The following GKAP1 variants were observed in gnomAD, a reference collection of about 807,000 sequenced individuals.
The protein encoded by GKAP1 is G kinase-anchoring protein 1.
A neutral mutation model predicts 56.7 loss-of-function variants in GKAP1; 31 were observed. The ratio of observed to expected loss-of-function variants is 0.55; its 90% CI spans 0.41 to 0.74. GKAP1 has a LOEUF of 0.74. Among genes scored for constraint, GKAP1 ranks in the 30% least tolerant of loss-of-function variants. The pLI is 0.00. For synonymous variants in GKAP1, 151 were observed against 138.6 expected (o/e 1.09, Z -0.63); for missense variants, 364 against 402.3 (o/e 0.90, Z 0.82).
chr9:83,747,809 G>A (rs539447941), intron 10 of GKAP1, among the ~76,000 whole-genome samples: 9 of 152,028 alleles, frequency 5.9e-5, no homozygotes, highest in Non-Finnish European at 7.4e-5. Context: ...GCTACTTTTC[G>A]TATTTTTAGT....
chr9:83,803,607 C>T (rs1944371478), intron 3 of GKAP1, among the ~76,000 whole-genome samples: 1 of 152,212 alleles, frequency 6.6e-6, no homozygotes, highest in South Asian at 2.1e-4. Context: ...TCGCTACAAC[C>T]TCCATCTCCC....
At position 83,745,301 on chromosome 9, in the gene GKAP1, G is replaced by A. The variant is rs149382077; in HGVS notation, c.905-2701C>T. On this transcript the variant is annotated intron_variant, in intron 10 of 12. Coordinates refer to ENST00000376371, the MANE Select transcript of GKAP1 (RefSeq NM_025211.4). ...CACCTGTCTCAACCTCCCAAAGCTG[G>A]GATTACAGGTGTGAGCCACTGTGCC... 6.8e-3 allele frequency among the ~76,000 whole-genome samples: 1,039 copies of A among 152,244 alleles called. 16 individuals carry two copies. Among genetic ancestry groups the A allele is most frequent in the African/African-American group, 0.024 (995 of 41,542 alleles).
intron 9 of GKAP1, among the ~76,000 whole-genome samples, chr9:83,753,041 C>G (rs1394250345): frequency 6.6e-6 from 1 of 150,882 alleles, no homozygotes. Flanking sequence ...GCCTGGGCAA[C>G]AGAATGAGAC....
chr9:83,758,531 G>A (rs1252566970), intron 8 of GKAP1, among the ~76,000 whole-genome samples: 3 of 151,936 alleles, frequency 2.0e-5, no homozygotes, highest in South Asian at 2.1e-4. Context: ...TCAGGAGTTC[G>A]AGACCAGCCT....
chr9:83,740,817 A>G (rs1343514447), intron 12 of GKAP1, among the ~76,000 whole-genome samples: 1 of 152,164 alleles, frequency 6.6e-6, no homozygotes. Context: ...TAATGATGGC[A>G]GTTTCTCTTT....
intron 3 of GKAP1, among the ~76,000 whole-genome samples, chr9:83,804,510 T>A (rs1417480896): frequency 1.5e-5 from 1 of 66,516 alleles, no homozygotes; most frequent in East Asian, 4.7e-4. Context: ...AGCCGCCCCG[T>A]CCGGGAGGGA....
intron 12 of GKAP1, among the ~76,000 whole-genome samples, chr9:83,740,267 A>G (rs1943184170): frequency 6.6e-6 from 1 of 152,128 alleles, no homozygotes; most frequent in Admixed American, 6.5e-5. Flanking sequence ...ATTTGTATTT[A>G]ATTTGCTCCA....
intron 4 of GKAP1, among the ~76,000 whole-genome samples, chr9:83,791,951 G>T (rs1276021706): frequency 6.6e-6 from 1 of 152,192 alleles, no homozygotes; most frequent in African/African-American, 2.4e-5. Context: ...ATTAAGAATA[G>T]ATATACTATG....
chr9:83,811,384 T>A (rs991362719), intron 2 of GKAP1, among the ~76,000 whole-genome samples: 8 of 152,182 alleles, frequency 5.3e-5, no homozygotes, highest in African/African-American at 1.9e-4. Flanking sequence ...AAAATACCTA[T>A]CTACCAGAAA....
At chr9:83,799,543 T>A (rs149476127) in intron 3 of GKAP1, among the ~76,000 whole-genome samples, 1 of 152,238 alleles carries the variant, frequency 6.6e-6, no homozygotes, top group South Asian at 2.1e-4. Flanking sequence ...TAGATCTATA[T>A]ATAAAATGAT....
chr9:83,776,453 T>A (rs1943863608), intron 7 of GKAP1, among the ~76,000 whole-genome samples: 1 of 152,146 alleles, frequency 6.6e-6, no homozygotes, highest in African/African-American at 2.4e-5. Context: ...TAATCCCACT[T>A]TGGGAGGCCG....
At chr9:83,777,360 T>C (rs986169929) in intron 7 of GKAP1, among the ~76,000 whole-genome samples, 4 of 152,184 alleles carry the variant, frequency 2.6e-5, no homozygotes, top group Non-Finnish European at 5.9e-5. Flanking sequence ...CTAACAGTTC[T>C]GGCATTTAAA....
At chr9:83,798,113 A>T (rs1028167966) in intron 4 of GKAP1, among the ~76,000 whole-genome samples, 1 of 152,236 alleles carries the variant, frequency 6.6e-6, no homozygotes, top group African/African-American at 2.4e-5. Context: ...AGAAAATGTT[A>T]TAATTAGCAC....
intron 7 of GKAP1, among the ~76,000 whole-genome samples, chr9:83,775,713 T>C (rs933487879): frequency 1.3e-5 from 2 of 151,022 alleles, no homozygotes; most frequent in Non-Finnish European, 3.0e-5. Context: ...CCGTCTCTAA[T>C]AAAAATAAAA....
At chr9:83,803,649 G>C (rs932145939) in intron 3 of GKAP1, among the ~76,000 whole-genome samples, 2 of 152,218 alleles carry the variant, frequency 1.3e-5, no homozygotes, top group African/African-American at 4.8e-5. Context: ...AAAGTGCCAA[G>C]ATTGCAGCCT....
intron 4 of GKAP1, among the ~76,000 whole-genome samples, chr9:83,796,763 G>A (rs1285504566): frequency 2.0e-5 from 3 of 151,902 alleles, no homozygotes; most frequent in Admixed American, 6.6e-5. Context: ...CACCGCACCC[G>A]GCCCCATCTC....
At chr9:83,779,481 A>ACACACACG (rs1564201546) in intron 7 of GKAP1, among the ~76,000 whole-genome samples, 1 of 128,946 alleles carries the variant, frequency 7.8e-6, no homozygotes, top group Non-Finnish European at 1.8e-5. Context: ...ATACATATAC[A>ACACACACG]TACATATATA....
intron 10 of GKAP1, among the ~76,000 whole-genome samples, chr9:83,745,310 G>A (rs1055539969): frequency 6.6e-6 from 1 of 152,196 alleles, no homozygotes; most frequent in African/African-American, 2.4e-5. Flanking sequence ...GGGATTACAG[G>A]TGTGAGCCAC....
At chr9:83,744,402 A>C (rs1249615151) in intron 10 of GKAP1, among the ~76,000 whole-genome samples, 1 of 152,204 alleles carries the variant, frequency 6.6e-6, no homozygotes, top group East Asian at 1.9e-4. Context: ...ACTGTGTGTT[A>C]GGAAACACAC....
Sources: allele counts gnomAD v4.1 joint callset (sites outside exome capture counted in the v4.1 genomes callset), GRCh38; gene constraint gnomAD v4.1.1; transcripts MANE v1.5; gene names NCBI Gene and HGNC (gene_info 2026-07-23, HGNC 2026-07-21).